The following DNAH7 variants were observed in gnomAD, a reference collection of about 807,000 sequenced individuals.
DNAH7 encodes the protein dynein axonemal heavy chain 7, also known as axonemal beta dynein heavy chain 7.
Under a neutral mutation model 444.6 loss-of-function variants are expected in DNAH7, and 397 were observed. The observed-to-expected ratio is 0.89, with a 90% CI of 0.82 to 0.97. The LOEUF (loss-of-function observed/expected upper bound fraction) is 0.97, where lower values mean the gene tolerates loss of function less well. Among genes scored for constraint, DNAH7 ranks in the 50% least tolerant of loss-of-function variants. The probability of loss-of-function intolerance (pLI) is 0.00; values close to 1 mark genes in which losing one functional copy is unlikely to be tolerated. For synonymous variants in DNAH7, 1,636 were observed against 1,624.4 expected, an observed-to-expected ratio of 1.01 and a Z score of -0.17; for missense variants, 4,902 against 4,800.8, an observed-to-expected ratio of 1.02 and a Z score of -0.62.
rs753639255 is a variant in DNAH7, at chr2:195,984,701, A to G, written c.1764T>C (p.Asp588=). 7 of 1,613,930 alleles carry G rather than the reference A, an allele frequency of 4.3e-6. No individual in the cohort carries two copies. In the East Asian group the frequency reaches 1.1e-4, roughly 26 times the overall value. ...CTTTTTCAGCTATCCTCTCAAATTC[A>G]TCGCATAATCTGAAACACCAAGTAA... The part of the protein sequence containing the change: ...DHQEVNTRLC[D]EFERIAEKAL... The change falls in exon 15 of 65, where the codon GAT becomes GAC. Residue 588 remains aspartate, a synonymous_variant. Transcript: ENST00000312428.
intron 48 of DNAH7, among the ~76,000 whole-genome samples, chr2:195,829,685 C>T (rs1697964758): frequency 6.6e-6 from 1 of 151,966 alleles, no homozygotes. Context: ...CTCACCCTAA[C>T]ATTTTTCTTA....
intron 1 of DNAH7, among the ~76,000 whole-genome samples, chr2:196,067,095 G>C (rs1248065338): frequency 1.3e-5 from 2 of 152,174 alleles, no homozygotes; most frequent in African/African-American, 2.4e-5. Context: ...TGAGAGACTA[G>C]GGTGTCATTT....
At position 195,891,783 on chromosome 2, in the gene DNAH7, C is replaced by A; in HGVS notation, c.4918G>T (p.Val1640Phe). 6.3e-7 allele frequency: 1 copy of A among 1,585,786 alleles called. No individual in the cohort carries two copies. The highest frequency in any genetic ancestry group is 8.5e-7 in the Non-Finnish European group (1 of 1,170,148). ...TTAGGATTTAAAACAGTTATTTGAA[C>A]TTTGTTTTCTTCCATTAGCCCCTTA... ...CEKGLMEENK[V>F]QITVLNPKSV... The change falls in exon 31 of 65, where the codon GTT (valine) becomes TTT (phenylalanine). Residue 1640 changes from valine to phenylalanine, a missense_variant. Transcript: ENST00000312428.
chr2:195,748,979 A>G (rs1266705971), intron 63 of DNAH7, among the ~76,000 whole-genome samples: 1 of 152,180 alleles, frequency 6.6e-6, no homozygotes, highest in Non-Finnish European at 1.5e-5. Flanking sequence ...GCCAAAATTG[A>G]CAAATGGGAT....
intron 47 of DNAH7, among the ~76,000 whole-genome samples, chr2:195,835,544 G>C (rs1429035324): frequency 6.6e-6 from 1 of 152,054 alleles, no homozygotes; most frequent in East Asian, 1.9e-4. Context: ...GTTAGAGCCT[G>C]GTATAAAACA....
chr2:195,806,835 A>G lies in DNAH7; in HGVS notation c.10084-3T>C, dbSNP rs1209206200. Reference sequence around the variant, plus strand: ...GGGAAAACCTCATGGTGTGGTTCCTAAAATTACAGTGTAAATAATTCAGTT... The same window carrying G: ...GGGAAAACCTCATGGTGTGGTTCCTGAAATTACAGTGTAAATAATTCAGTT... On this transcript the variant is annotated splice_region_variant and splice_polypyrimidine_tract_variant and intron_variant, in intron 53 of 64. Transcript: ENST00000312428. 1 of 1,609,126 alleles carries G rather than the reference A, an allele frequency of 6.2e-7. No individual in the cohort carries two copies. Among genetic ancestry groups the G allele is most frequent in the Non-Finnish European group, 8.5e-7 (1 of 1,176,316 alleles).
chr2:195,770,942 C>A (rs1694807527), intron 61 of DNAH7, among the ~76,000 whole-genome samples: 1 of 151,818 alleles, frequency 6.6e-6, no homozygotes, highest in African/African-American at 2.4e-5. Flanking sequence ...GCAGTCCTCC[C>A]ACCTTGGCCT....
chr2:195,970,895 G>T (rs1204567161), intron 16 of DNAH7, among the ~76,000 whole-genome samples: 1 of 152,168 alleles, frequency 6.6e-6, no homozygotes, highest in Non-Finnish European at 1.5e-5. Flanking sequence ...GAGGGAAAAT[G>T]AGAGGAAAAG....
intron 24 of DNAH7, among the ~76,000 whole-genome samples, chr2:195,910,454 TGAA>T (rs939493682): frequency 6.6e-6 from 1 of 152,318 alleles, no homozygotes; most frequent in Admixed American, 6.5e-5. Context: ...CTGGCCAATA[TGAA>T]GAATTCAGTT....
At chr2:195,866,383 G>A (rs2125102635) in intron 40 of DNAH7, among the ~76,000 whole-genome samples, 1 of 151,928 alleles carries the variant, frequency 6.6e-6, no homozygotes, top group East Asian at 1.9e-4. Flanking sequence ...TAAGCAAATG[G>A]TATTATTTAA....
intron 24 of DNAH7, 131 bp from the exon 25 acceptor site, chr2:195,910,326 G>T: frequency 1.4e-6 from 1 of 700,930 alleles, no homozygotes; most frequent in Non-Finnish European, 2.2e-6. Flanking sequence ...TTCCTTCCCA[G>T]TAACCTCTGA....
At chr2:195,913,887 T>C (rs1687510163) in intron 24 of DNAH7, among the ~76,000 whole-genome samples, 3 of 152,320 alleles carry the variant, frequency 2.0e-5, no homozygotes, top group Middle Eastern at 6.8e-3. Context: ...AGCAAGTTTT[T>C]GTATTTTTAG....
intron 49 of DNAH7, among the ~76,000 whole-genome samples, chr2:195,819,865 T>C (rs1369213430): frequency 6.6e-6 from 1 of 152,240 alleles, no homozygotes; most frequent in Non-Finnish European, 1.5e-5. Flanking sequence ...AAACCAGTAG[T>C]GTCTGGGTCT....
chr2:196,004,962 C>CAAAA (rs60564090), intron 10 of DNAH7, among the ~76,000 whole-genome samples: 2 of 63,692 alleles, frequency 3.1e-5, no homozygotes, highest in African/African-American at 4.9e-5. Context: ...GGCCTTGTGT[C>CAAAA]AAAAAAAAAA....
chr2:195,873,028 T>C (rs908466988), intron 39 of DNAH7, among the ~76,000 whole-genome samples: 20 of 152,342 alleles, frequency 1.3e-4, no homozygotes, highest in Middle Eastern at 6.8e-3. Flanking sequence ...AGATTGCCTA[T>C]ATTTAACTTC....
At chr2:195,753,686 T>TA (rs912882180) in intron 63 of DNAH7, among the ~76,000 whole-genome samples, 1 of 152,220 alleles carries the variant, frequency 6.6e-6, no homozygotes, top group Non-Finnish European at 1.5e-5. Context: ...ATTTAAAAAA[T>TA]AACTCTTATT....
At chr2:195,923,166 G>A (rs1688127536) in intron 23 of DNAH7, among the ~76,000 whole-genome samples, 1 of 152,112 alleles carries the variant, frequency 6.6e-6, no homozygotes, top group Admixed American at 6.5e-5. Flanking sequence ...GCCCAGCAAT[G>A]AGAGGAAACT....
intron 40 of DNAH7, among the ~76,000 whole-genome samples, chr2:195,870,519 C>T (rs1046048627): frequency 6.6e-6 from 1 of 152,188 alleles, no homozygotes; most frequent in Non-Finnish European, 1.5e-5. Flanking sequence ...CAAAATGCTG[C>T]CTTCAGCAAT....
At chr2:196,013,797 T>G (rs898034146) in intron 9 of DNAH7, among the ~76,000 whole-genome samples, 6 of 152,204 alleles carry the variant, frequency 3.9e-5, no homozygotes, top group African/African-American at 1.4e-4. Context: ...TAATAGCACA[T>G]AGTAAACATG....
Sources: gnomAD v4.1 joint callset for allele counts (sites outside exome capture counted in the v4.1 genomes callset) on GRCh38, gnomAD v4.1.1 for gene constraint, MANE v1.5 for transcripts, NCBI Gene and HGNC (gene_info 2026-07-23, HGNC 2026-07-21) for gene names.